ITGB3BP: variants seen among roughly 807,000 people sequenced by gnomAD.
ITGB3BP encodes the protein centromere protein R.
A neutral mutation model predicts 29.1 loss-of-function variants in ITGB3BP; 27 were observed. That is an observed-to-expected ratio of 0.93 (90% confidence interval 0.68 to 1.28). The LOEUF (loss-of-function observed/expected upper bound fraction) is 1.28. Among genes scored for constraint, ITGB3BP ranks in the 50% most tolerant of loss-of-function variants. ITGB3BP has a pLI of 0.00. For missense variants in ITGB3BP, 192 were observed against 200.2 expected (o/e 0.96, Z 0.25); for synonymous variants, 61 against 61.4 (o/e 0.99, Z 0.03).
chr1:63,528,350 C>T (rs1429563657), intron 2 of ITGB3BP, among the ~76,000 whole-genome samples: 1 of 152,064 alleles, frequency 6.6e-6, no homozygotes, highest in African/African-American at 2.4e-5. Context: ...AAACATCACA[C>T]ATTCTTTCTT....
intron 1 of ITGB3BP, 161 bp downstream of exon 1, chr1:63,522,968 T>TA: frequency 1.2e-6 from 1 of 831,298 alleles, no homozygotes; most frequent in Non-Finnish European, 2.1e-6. Flanking sequence ...GGAGGAGACG[T>TA]AGAGTTGAGG....
intron 3 of ITGB3BP, among the ~76,000 whole-genome samples, chr1:63,488,455 TTA>T (rs1645575320): frequency 6.6e-6 from 1 of 151,994 alleles, no homozygotes; most frequent in East Asian, 1.9e-4. Context: ...AAATTTTATA[TTA>T]TGTTTTGTAT....
At chr1:63,472,895 AC>A (rs1645233059) in intron 4 of ITGB3BP, among the ~76,000 whole-genome samples, 2 of 150,562 alleles carry the variant, frequency 1.3e-5, no homozygotes, top group Non-Finnish European at 3.0e-5. Context: ...CCCAGCCGCC[AC>A]CCCGTCTGGG....
chr1:63,461,501 T>C (rs1366381760), intron 4 of ITGB3BP, among the ~76,000 whole-genome samples: 2 of 152,208 alleles, frequency 1.3e-5, no homozygotes, highest in African/African-American at 4.8e-5. Context: ...CTTTTGTTCA[T>C]TGTGCTTTTG....
intron 8 of ITGB3BP, among the ~76,000 whole-genome samples, chr1:63,446,365 AATAAAT>A (rs1159796799): frequency 6.6e-6 from 1 of 152,234 alleles, no homozygotes; most frequent in Admixed American, 6.5e-5. Context: ...AGGTATAACT[AATAAAT>A]ATAGATTTAT....
At position 63,478,201 on chromosome 1, in the gene ITGB3BP, T is replaced by A. The variant is rs112166653; in HGVS notation, c.254+563A>T. 1.1e-4 allele frequency among the ~76,000 whole-genome samples: 16 copies of A among 152,338 alleles called. No homozygotes were observed. In the South Asian group the frequency reaches 3.3e-3, roughly 32 times the overall value. Reference sequence around the variant, plus strand: ...TTTTTCTCGAAATATTTTCAATTTGTCATTGGTTGAATCCACAAATGTGTA... The same window carrying A: ...TTTTTCTCGAAATATTTTCAATTTGACATTGGTTGAATCCACAAATGTGTA... On this transcript the variant is annotated intron_variant, in intron 4 of 8. Coordinates refer to ENST00000271002, the MANE Select transcript of ITGB3BP (RefSeq NM_014288.5).
intron 4 of ITGB3BP, among the ~76,000 whole-genome samples, chr1:63,467,806 C>A (rs1337290956): frequency 6.6e-6 from 1 of 152,126 alleles, no homozygotes; most frequent in Non-Finnish European, 1.5e-5. Context: ...ACAGCCTCTA[C>A]CAAAAAGAAT....
intron 4 of ITGB3BP, among the ~76,000 whole-genome samples, chr1:63,476,584 T>A (rs1224496000): frequency 6.6e-6 from 1 of 152,218 alleles, no homozygotes; most frequent in Non-Finnish European, 1.5e-5. Flanking sequence ...CCATGGGAGC[T>A]ATTGTTTTAA....
intron 8 of ITGB3BP, chr1:63,442,753 A>ATCT (rs1644745969): frequency 6.6e-6 from 1 of 152,332 alleles, no homozygotes; most frequent in Admixed American, 6.5e-5. Flanking sequence ...AGAACTTAGA[A>ATCT]GAGTCTGAAC....
rs1334156430 is a variant in ITGB3BP at position 63,522,239 on chromosome 1, T to C, written c.5+890A>G. Reference sequence around the variant, plus strand: ...ACATTGTAATTCAAGATTCAATAAATATAGGTTATCATTTCTGTACAGCTT... The same window carrying C: ...ACATTGTAATTCAAGATTCAATAAACATAGGTTATCATTTCTGTACAGCTT... On this transcript the variant is annotated intron_variant, in intron 1 of 8. Transcript: ENST00000271002. 2.6e-5 allele frequency among the ~76,000 whole-genome samples: 4 copies of C among 152,240 alleles called. No homozygotes were observed. In the South Asian group the frequency reaches 6.2e-4, roughly 24 times the overall value.
At chr1:63,456,407 A>C (rs1218630399) in intron 4 of ITGB3BP, among the ~76,000 whole-genome samples, 1 of 152,138 alleles carries the variant, frequency 6.6e-6, no homozygotes, top group East Asian at 1.9e-4. Context: ...CTGATTGCTT[A>C]ACAGGAGAAC....
At chr1:63,473,820 G>A (rs1370648741) in intron 4 of ITGB3BP, among the ~76,000 whole-genome samples, 4 of 46,966 alleles carry the variant, frequency 8.5e-5, no homozygotes, top group Non-Finnish European at 1.3e-4. Flanking sequence ...CCGCCCGGCC[G>A]GCCGCCCCGT....
chr1:63,485,171 A>G (rs1214338795), intron 3 of ITGB3BP, among the ~76,000 whole-genome samples: 1 of 152,112 alleles, frequency 6.6e-6, no homozygotes, highest in African/African-American at 2.4e-5. Flanking sequence ...AACATATACT[A>G]TTAATATACG....
intron 3 of ITGB3BP, among the ~76,000 whole-genome samples, chr1:63,480,852 T>A (rs1044192565): frequency 7.2e-5 from 11 of 152,062 alleles, no homozygotes; most frequent in African/African-American, 2.2e-4. Flanking sequence ...GGGAAAAGAA[T>A]AACAATATAT....
intron 1 of ITGB3BP, among the ~76,000 whole-genome samples, chr1:63,513,138 T>G (rs529343653): frequency 7.9e-5 from 12 of 152,302 alleles, no homozygotes; most frequent in African/African-American, 2.6e-4. Context: ...TAAGATATTA[T>G]CTTCCAGTTT....
At chr1:63,511,502 T>C (rs1207481033) in intron 1 of ITGB3BP, among the ~76,000 whole-genome samples, 1 of 152,072 alleles carries the variant, frequency 6.6e-6, no homozygotes, top group Admixed American at 6.6e-5. Flanking sequence ...ACAGCAGCAT[T>C]GCTCACAATA....
intron 4 of ITGB3BP, among the ~76,000 whole-genome samples, chr1:63,475,862 G>A (rs1171599356): frequency 6.6e-6 from 1 of 151,830 alleles, no homozygotes; most frequent in Non-Finnish European, 1.5e-5. Context: ...GCCGTGCATG[G>A]TAGCGGGTGC....
intron 8 of ITGB3BP, among the ~76,000 whole-genome samples, chr1:63,444,001 C>T (rs1644759646): frequency 6.6e-6 from 1 of 152,002 alleles, no homozygotes; most frequent in Non-Finnish European, 1.5e-5. Flanking sequence ...GAAGGAAATG[C>T]TCAAAGTGAG....
chr1:63,507,303 G>A (rs140364858), intron 2 of ITGB3BP, among the ~76,000 whole-genome samples: 119 of 152,238 alleles, frequency 7.8e-4, no homozygotes, highest in Non-Finnish European at 1.3e-3. Flanking sequence ...ACATAACAAT[G>A]TATTTTTCTA....
Sources: gnomAD v4.1 joint callset for allele counts (sites outside exome capture counted in the v4.1 genomes callset) on GRCh38, gnomAD v4.1.1 for gene constraint, MANE v1.5 for transcripts, NCBI Gene and HGNC (gene_info 2026-07-23, HGNC 2026-07-21) for gene names.